FHIT: variants seen among roughly 807,000 people sequenced by gnomAD.
FHIT encodes bis(5'-adenosyl)-triphosphatase.
FHIT carries 19 observed loss-of-function variants against 17.9 expected under a neutral mutation model. The observed-to-expected ratio is 1.06, with a 90% CI of 0.74 to 1.56. FHIT has a LOEUF of 1.56. Among genes scored for constraint, FHIT ranks in the 40% most tolerant of loss-of-function variants. The pLI is 0.00. For synonymous variants in FHIT, 81 were observed against 69.7 expected (o/e 1.16, Z -0.81); for missense variants, 248 against 189.2 (o/e 1.31, Z -1.82).
intron 3 of FHIT, among the ~76,000 whole-genome samples, chr3:60,960,369 A>G (rs758022689): frequency 6.6e-6 from 1 of 152,178 alleles, no homozygotes; most frequent in Non-Finnish European, 1.5e-5. Flanking sequence ...CATTGGGAAA[A>G]TTAAAACTAC....
At chr3:60,493,875 C>T (rs1275481234) in intron 5 of FHIT, among the ~76,000 whole-genome samples, 2 of 152,088 alleles carry the variant, frequency 1.3e-5, no homozygotes, top group Non-Finnish European at 2.9e-5. Context: ...ATTCAGGTTC[C>T]TGTGAGTCAC....
intron 8 of FHIT, among the ~76,000 whole-genome samples, chr3:59,891,531 A>G (rs1703856499): frequency 6.6e-6 from 1 of 152,216 alleles, no homozygotes; most frequent in Non-Finnish European, 1.5e-5. Context: ...ATGAACCAAC[A>G]GGACAAAAAT....
intron 5 of FHIT, among the ~76,000 whole-genome samples, chr3:60,364,584 G>A (rs1700033756): frequency 6.6e-6 from 1 of 152,162 alleles, no homozygotes; most frequent in Admixed American, 6.5e-5. Context: ...TAATGTCACA[G>A]GCATTCCATT....
intron 7 of FHIT, among the ~76,000 whole-genome samples, chr3:59,972,674 A>C (rs912514411): frequency 1.3e-5 from 2 of 152,094 alleles, no homozygotes; most frequent in Non-Finnish European, 2.9e-5. Context: ...TCTTCACAGC[A>C]AGTCAGACCA....
At chr3:60,094,821 A>G (rs1302719464) in intron 5 of FHIT, among the ~76,000 whole-genome samples, 1 of 91,420 alleles carries the variant, frequency 1.1e-5, no homozygotes, top group African/African-American at 3.5e-5. Flanking sequence ...GAGAGAGAAG[A>G]AGAGAGAGAG....
chr3:59,861,601 C>T (rs1702408376), intron 8 of FHIT, among the ~76,000 whole-genome samples: 1 of 152,164 alleles, frequency 6.6e-6, no homozygotes, highest in Admixed American at 6.5e-5. Flanking sequence ...GATAAGGTCT[C>T]TGCACTGAGG....
chr3:60,304,496 T>A (rs987893511), intron 5 of FHIT, among the ~76,000 whole-genome samples: 3 of 151,894 alleles, frequency 2.0e-5, no homozygotes, highest in Non-Finnish European at 4.4e-5. Context: ...ACCTTAGAGG[T>A]CATGGCCACA....
chr3:60,553,295 G>T, intron 4 of FHIT: 1 of 436,306 alleles, frequency 2.3e-6, no homozygotes, highest in Non-Finnish European at 3.0e-6. Context: ...ATTATACATT[G>T]TTTTGGTTAA....
intron 3 of FHIT, among the ~76,000 whole-genome samples, chr3:60,908,027 C>T (rs1208874349): frequency 2.0e-5 from 3 of 152,178 alleles, no homozygotes; most frequent in African/African-American, 4.8e-5. Flanking sequence ...CTACTCTGCC[C>T]TTCAAATAAA....
intron 3 of FHIT, among the ~76,000 whole-genome samples, chr3:60,842,647 T>TATATATATATATATATATATA (rs1406123749): frequency 7.6e-5 from 7 of 92,492 alleles, no homozygotes; most frequent in African/African-American, 3.2e-4. Context: ...ATATATATAT[T>TATATATATATATATATATATA]TTTTTTTTTT....
intron 8 of FHIT, among the ~76,000 whole-genome samples, chr3:59,840,301 T>C (rs747494470): frequency 2.6e-5 from 4 of 151,544 alleles, no homozygotes; most frequent in South Asian, 2.1e-4. Context: ...CAGACACCTA[T>C]AGGGGCCCTT....
intron 5 of FHIT, among the ~76,000 whole-genome samples, chr3:60,257,842 T>G (rs13314141): frequency 0.075 from 11,463 of 151,996 alleles, 492 homozygotes; most frequent in South Asian, 0.1. Flanking sequence ...GGAGCTGAAT[T>G]ATGAGAACAA....
chr3:60,514,487 C>G (rs2035073140), intron 5 of FHIT, among the ~76,000 whole-genome samples: 1 of 152,164 alleles, frequency 6.6e-6, no homozygotes, highest in Non-Finnish European at 1.5e-5. Flanking sequence ...TCACTGGGGC[C>G]TGTCGAGGAG....
intron 8 of FHIT, among the ~76,000 whole-genome samples, chr3:59,822,619 C>T (rs1242176713): frequency 6.6e-6 from 1 of 151,888 alleles, no homozygotes; most frequent in Non-Finnish European, 1.5e-5. Flanking sequence ...TGTCTATTTA[C>T]ATCCTTAGCC....
intron 8 of FHIT, among the ~76,000 whole-genome samples, chr3:59,864,027 G>A (rs147379266): frequency 4.6e-5 from 7 of 152,260 alleles, no homozygotes; most frequent in East Asian, 1.9e-4. Flanking sequence ...TTATGAGTTC[G>A]TGCACAATTT....
At chr3:61,194,070 G>C (rs532274258) in intron 2 of FHIT, among the ~76,000 whole-genome samples, 1 of 152,164 alleles carries the variant, frequency 6.6e-6, no homozygotes, top group African/African-American at 2.4e-5. Flanking sequence ...GTGGGGATCA[G>C]CAAGGCCTGA....
intron 2 of FHIT, among the ~76,000 whole-genome samples, chr3:61,052,635 T>C (rs1408778586): frequency 6.6e-6 from 1 of 152,204 alleles, no homozygotes; most frequent in East Asian, 1.9e-4. Flanking sequence ...CAGACAAATT[T>C]ATGCTGTTAT....
At chr3:59,899,479 G>A (rs1704225889) in intron 8 of FHIT, among the ~76,000 whole-genome samples, 1 of 152,182 alleles carries the variant, frequency 6.6e-6, no homozygotes, top group African/African-American at 2.4e-5. Flanking sequence ...CATGAGGCTT[G>A]CCTAGCTTCG....
chr3:60,731,512 T>C (rs1229713251), intron 4 of FHIT, among the ~76,000 whole-genome samples: 2 of 152,182 alleles, frequency 1.3e-5, no homozygotes, highest in East Asian at 3.9e-4. Flanking sequence ...CCCTGAGTCT[T>C]CCCATGGAGT....
Sources: allele counts gnomAD v4.1 joint callset (sites outside exome capture counted in the v4.1 genomes callset), GRCh38; gene constraint gnomAD v4.1.1; transcripts MANE v1.5; gene names NCBI Gene and HGNC (gene_info 2026-07-23, HGNC 2026-07-21).